Variants in PDE1C observed in about 807,000 individuals in gnomAD.
The protein encoded by PDE1C is dual specificity calcium/calmodulin-dependent 3',5'-cyclic nucleotide phosphodiesterase 1C.
A neutral mutation model predicts 93.1 loss-of-function variants in PDE1C; 62 were observed. The ratio of observed to expected loss-of-function variants is 0.67; its 90% CI spans 0.54 to 0.82. PDE1C has a LOEUF of 0.82. Among genes scored for constraint, PDE1C ranks in the 40% least tolerant of loss-of-function variants. The pLI is 0.00. For missense variants in PDE1C, 742 were observed against 884.6 expected (o/e 0.84, Z 2.04); for synonymous variants, 325 against 310.1 (o/e 1.05, Z -0.50).
At chr7:31,929,771 C>A (rs891152232) in intron 2 of PDE1C, among the ~76,000 whole-genome samples, 4 of 152,098 alleles carry the variant, frequency 2.6e-5, no homozygotes, top group Non-Finnish European at 5.9e-5. Context: ...GAATCTCTGG[C>A]ACACGGCTAA....
chr7:32,215,031 T>C (rs1222972160), intron 1 of PDE1C, among the ~76,000 whole-genome samples: 2 of 151,930 alleles, frequency 1.3e-5, no homozygotes, highest in Non-Finnish European at 2.9e-5. Context: ...GCAGATCCAC[T>C]GGGTCAGAAT....
chr7:31,724,887 T>C, the PDE1C span, among the ~76,000 whole-genome samples: 3 of 152,196 alleles, frequency 2.0e-5, no homozygotes, highest in Admixed American at 6.5e-5. Context: ...TATCGGTGAA[T>C]TAGCACTCTG....
At chr7:31,647,100 A>G in the PDE1C span, among the ~76,000 whole-genome samples, 2 of 152,244 alleles carry the variant, frequency 1.3e-5, no homozygotes, top group Admixed American at 6.5e-5. Flanking sequence ...ATGTGCTGGA[A>G]AGCAAGTGGA....
chr7:32,205,476 C>T (rs915375716), intron 2 of PDE1C, among the ~76,000 whole-genome samples: 4 of 152,078 alleles, frequency 2.6e-5, no homozygotes, highest in East Asian at 1.9e-4. Flanking sequence ...TCTGTAAAAA[C>T]GGACCAATCA....
At chr7:32,391,093 G>A (rs1023239034) in intron 1 of PDE1C, among the ~76,000 whole-genome samples, 3 of 152,044 alleles carry the variant, frequency 2.0e-5, no homozygotes, top group Admixed American at 6.6e-5. Flanking sequence ...GGCAGAAATT[G>A]TCAGACTGCA....
chr7:32,061,794 A>G (rs771895697), intron 1 of PDE1C, among the ~76,000 whole-genome samples: 6 of 152,246 alleles, frequency 3.9e-5, no homozygotes, highest in Non-Finnish European at 5.9e-5. Flanking sequence ...TAGCTGGCCT[A>G]AGTAAATGCC....
chr7:31,800,190 G>T (rs1785824923), intron 16 of PDE1C, among the ~76,000 whole-genome samples: 1 of 150,816 alleles, frequency 6.6e-6, no homozygotes, highest in Non-Finnish European at 1.5e-5. Context: ...TATATGTTTT[G>T]CAAATATCCC....
chr7:31,909,939 T>C (rs1301693880), intron 2 of PDE1C, among the ~76,000 whole-genome samples: 1 of 152,172 alleles, frequency 6.6e-6, no homozygotes, highest in Non-Finnish European at 1.5e-5. Context: ...TGTTTAACAA[T>C]ATCCCTGGTC....
intron 2 of PDE1C, among the ~76,000 whole-genome samples, chr7:32,036,351 G>GC (rs1449701578): frequency 6.6e-6 from 1 of 152,152 alleles, no homozygotes; most frequent in Non-Finnish European, 1.5e-5. Context: ...GAGTTGTATA[G>GC]CTTAAATGCT....
At chr7:31,786,588 C>T (rs995195230) in intron 16 of PDE1C, 2 of 152,056 alleles carry the variant, frequency 1.3e-5, no homozygotes, top group African/African-American at 4.8e-5. Flanking sequence ...GAATGCTGAC[C>T]GTGTTCCAAA....
chr7:31,996,693 C>T (rs1033097157), intron 2 of PDE1C, among the ~76,000 whole-genome samples: 2 of 152,226 alleles, frequency 1.3e-5, no homozygotes, highest in South Asian at 4.1e-4. Context: ...ATGGATCCAA[C>T]ATCTCTCTGC....
At chr7:31,754,118 ATG>A in intron 17 of PDE1C, among the ~76,000 whole-genome samples, 1 of 152,350 alleles carries the variant, frequency 6.6e-6, no homozygotes, top group South Asian at 2.1e-4. Flanking sequence ...ACCAAGGAAG[ATG>A]TATGTGTCAA....
At chr7:32,000,990 A>ATACG (rs1785384209) in intron 2 of PDE1C, among the ~76,000 whole-genome samples, 1 of 141,238 alleles carries the variant, frequency 7.1e-6, no homozygotes, top group Admixed American at 7.6e-5. Flanking sequence ...CTGTGTGTGT[A>ATACG]TACGTGTGTG....
intron 1 of PDE1C, among the ~76,000 whole-genome samples, chr7:32,306,549 C>T (rs1356769062): frequency 6.6e-6 from 1 of 152,232 alleles, no homozygotes; most frequent in Non-Finnish European, 1.5e-5. Flanking sequence ...AGCCTCTCAC[C>T]TCCACAGCCA....
At chr7:32,136,181 G>A (rs1482783359) in intron 3 of PDE1C, among the ~76,000 whole-genome samples, 3 of 152,096 alleles carry the variant, frequency 2.0e-5, no homozygotes, top group African/African-American at 7.2e-5. Flanking sequence ...AACAAGTTAA[G>A]GGGATCTAAT....
At chr7:32,216,952 T>TG (rs34769641) in intron 1 of PDE1C, among the ~76,000 whole-genome samples, 1 of 151,686 alleles carries the variant, frequency 6.6e-6, no homozygotes, top group African/African-American at 2.4e-5. Flanking sequence ...CTGCAGGCAA[T>TG]GGGGGCGGTC....
the PDE1C span, among the ~76,000 whole-genome samples, chr7:31,693,125 G>A: frequency 6.6e-6 from 1 of 152,030 alleles, no homozygotes; most frequent in Admixed American, 6.6e-5. Flanking sequence ...GCCTCACGTG[G>A]TTATGACTCC....
chr7:32,374,218 G>A (rs1784385220), intron 1 of PDE1C, among the ~76,000 whole-genome samples: 1 of 131,994 alleles, frequency 7.6e-6, no homozygotes, highest in African/African-American at 2.9e-5. Context: ...GGGAAAGAAA[G>A]GGAAAGAAAG....
rs71532998 is a variant in PDE1C at position 31,836,948 on chromosome 7, T to C, written c.1203+232A>G. On this transcript the variant is annotated intron_variant, in intron 11 of 17. Coordinates refer to ENST00000396191, the MANE Select transcript of PDE1C (RefSeq NM_001191057.4). The stretch of plus-strand genomic sequence containing the variant: ...AAAAGACTGCTACAAGGAAATACTT[T>C]TTTTCCCCCAAACAGAAATGCATAG... 0.15 allele frequency among the ~76,000 whole-genome samples: 23,271 copies of C among 152,056 alleles called. 1,880 individuals carry two copies. Among genetic ancestry groups the C allele is most frequent in the Middle Eastern group, 0.24 (69 of 292 alleles).
Sources: allele counts gnomAD v4.1 joint callset (sites outside exome capture counted in the v4.1 genomes callset), GRCh38; gene constraint gnomAD v4.1.1; transcripts MANE v1.5; gene names NCBI Gene and HGNC (gene_info 2026-07-23, HGNC 2026-07-21).